The following CNGA1 variants were observed in gnomAD, a reference collection of about 807,000 sequenced individuals.
CNGA1 encodes cyclic nucleotide gated channel subunit alpha 1.
Under a neutral mutation model 69.7 loss-of-function variants are expected in CNGA1, and 53 were observed. The ratio of observed to expected loss-of-function variants is 0.76; its 90% confidence interval spans 0.61 to 0.96. CNGA1 has a LOEUF of 0.96. Ranked by LOEUF, CNGA1 falls within the 40% of genes least tolerant of loss-of-function variation. The pLI is 0.00. For synonymous variants in CNGA1, 249 were observed against 283.5 expected, an observed-to-expected ratio of 0.88 and a Z score of 1.22; for missense variants, 739 against 811.2, an observed-to-expected ratio of 0.91 and a Z score of 1.08.
intron 6 of CNGA1, 128 bp downstream of exon 6, chr4:47,949,705 T>G (rs1739627469): frequency 2.9e-6 from 2 of 681,322 alleles, no homozygotes; most frequent in East Asian, 2.7e-5. Context: ...GATAAGACTA[T>G]CATTGCCATT....
chr4:48,013,117 G>A (rs1055237227), intron 1 of CNGA1, among the ~76,000 whole-genome samples: 1 of 152,162 alleles, frequency 6.6e-6, no homozygotes, highest in Non-Finnish European at 1.5e-5. Context: ...GGAAATCAGG[G>A]ATTCTCTGGA....
chr4:47,937,089 C>T lies in CNGA1; in HGVS notation c.1393G>A (p.Val465Ile), dbSNP rs983435442. 4 of 1,614,158 alleles carry T rather than the reference C, an allele frequency of 2.5e-6. No individual in the cohort carries two copies. The highest frequency in any genetic ancestry group is 2.2e-5 in the East Asian group (1 of 44,880). Residue 465 changes from valine (V) to isoleucine (I), a missense_variant, in exon 11 of 11, where the codon GTT becomes ATT. Transcript: ENST00000514170. ...DKLRAEIAIN[V>I]HLDTLKKVRI... ...ACCTTTTTTAATGTGTCTAAGTGAACGTTGATGGCAATTTCTGCTCTTAGT... is the reference window on the plus strand; with the variant it reads ...ACCTTTTTTAATGTGTCTAAGTGAATGTTGATGGCAATTTCTGCTCTTAGT...
chr4:47,972,960 T>C (rs1436402706), intron 3 of CNGA1, among the ~76,000 whole-genome samples: 2 of 152,230 alleles, frequency 1.3e-5, no homozygotes, highest in African/African-American at 4.8e-5. Context: ...ACATATAGGT[T>C]GTATTACATC....
intron 3 of CNGA1, among the ~76,000 whole-genome samples, chr4:47,955,173 C>CTTTTTTT (rs377338639): frequency 1.5e-4 from 15 of 98,192 alleles, no homozygotes; most frequent in African/African-American, 2.1e-4. Context: ...TTTTTCTTTT[C>CTTTTTTT]TTTTTTTTTT....
chr4:47,938,361 T>G (rs1002402698), intron 10 of CNGA1, among the ~76,000 whole-genome samples: 3 of 150,460 alleles, frequency 2.0e-5, no homozygotes, highest in Non-Finnish European at 4.4e-5. Flanking sequence ...CTCTTAAAAC[T>G]CTTGTAATTT....
intron 2 of CNGA1, among the ~76,000 whole-genome samples, chr4:48,000,130 A>G (rs13130475): frequency 3.9e-4 from 59 of 152,294 alleles, no homozygotes; most frequent in African/African-American, 1.4e-3. Context: ...AATAAAGCAA[A>G]AAGAGATAAA....
intron 2 of CNGA1, among the ~76,000 whole-genome samples, chr4:47,992,043 A>C (rs1244547048): frequency 6.6e-6 from 1 of 152,134 alleles, no homozygotes; most frequent in Admixed American, 6.6e-5. Flanking sequence ...TTTTTATGCC[A>C]GTATCATGCT....
At position 47,976,283 on chromosome 4, in the gene CNGA1, A is replaced by G. The variant is rs1458867813; in HGVS notation, c.-15+5110T>C. 4.3e-3 allele frequency among the ~76,000 whole-genome samples: 64 copies of G among 14,956 alleles called. 4 individuals carry two copies. Among genetic ancestry groups the G allele is most frequent in the African/African-American group, 9.5e-3 (55 of 5,814 alleles). The allele number at this position is 14,956 out of a possible 152,430, so 9.8% of individuals were successfully genotyped here. A position where few individuals can be genotyped will look rare whatever the true frequency, so the allele number is the denominator to read the frequency against. On this transcript the variant is annotated intron_variant, in intron 3 of 10. Transcript: ENST00000514170. ...TACATATATATATACATATATATGT[A>G]TATATATATATACACATACATATAT...
intron 6 of CNGA1, among the ~76,000 whole-genome samples, chr4:47,948,870 C>T (rs915720558): frequency 6.6e-6 from 1 of 152,186 alleles, no homozygotes; most frequent in Non-Finnish European, 1.5e-5. Flanking sequence ...TCTAGACCAG[C>T]AGATGTGCTG....
At chr4:48,009,114 C>T (rs1028795223) in intron 2 of CNGA1, among the ~76,000 whole-genome samples, 2 of 152,062 alleles carry the variant, frequency 1.3e-5, no homozygotes, top group Admixed American at 6.5e-5. Context: ...TGTATGCTGG[C>T]AATGCTTAAG....
chr4:47,975,716 A>G (rs1220057051), intron 3 of CNGA1, among the ~76,000 whole-genome samples: 1 of 152,124 alleles, frequency 6.6e-6, no homozygotes, highest in East Asian at 1.9e-4. Context: ...TTAGAACTAT[A>G]AAGTCATATA....
At chr4:47,958,857 G>A (rs998032454) in intron 3 of CNGA1, among the ~76,000 whole-genome samples, 1 of 152,068 alleles carries the variant, frequency 6.6e-6, no homozygotes, top group African/African-American at 2.4e-5. Context: ...AATCAATTCT[G>A]CACTAAGTTT....
chr4:47,955,358 T>C (rs917125552), intron 3 of CNGA1, among the ~76,000 whole-genome samples: 2 of 151,990 alleles, frequency 1.3e-5, no homozygotes, highest in African/African-American at 2.4e-5. Flanking sequence ...AATTTTTGTA[T>C]TTTTACTAGA....
chr4:47,998,295 G>T (rs1036249276), intron 2 of CNGA1, among the ~76,000 whole-genome samples: 3 of 152,222 alleles, frequency 2.0e-5, no homozygotes, highest in Non-Finnish European at 4.4e-5. Flanking sequence ...AATCTGCAGA[G>T]AGGTCTTTTC....
chr4:47,958,817 A>G (rs901345285), intron 3 of CNGA1, among the ~76,000 whole-genome samples: 3 of 152,188 alleles, frequency 2.0e-5, no homozygotes, highest in Non-Finnish European at 4.4e-5. Context: ...AATACCTGAT[A>G]TTTACTAAAG....
At chr4:47,974,818 C>T (rs2110204688) in intron 3 of CNGA1, among the ~76,000 whole-genome samples, 1 of 151,922 alleles carries the variant, frequency 6.6e-6, no homozygotes, top group Admixed American at 6.6e-5. Context: ...AAATAGCAAT[C>T]GCTTCTTCCA....
At chr4:47,950,032 C>A (rs886769642) in intron 5 of CNGA1, 137 bp from the exon 6 acceptor site, 2 of 729,480 alleles carry the variant, frequency 2.7e-6, no homozygotes, top group African/African-American at 1.8e-5. Flanking sequence ...ATAGATATTT[C>A]AAAAACATAT....
At chr4:47,975,413 T>A (rs187941254) in intron 3 of CNGA1, among the ~76,000 whole-genome samples, 1 of 152,202 alleles carries the variant, frequency 6.6e-6, no homozygotes, top group African/African-American at 2.4e-5. Context: ...ATTATCATCA[T>A]CTTCACAATT....
intron 3 of CNGA1, among the ~76,000 whole-genome samples, chr4:47,962,781 A>G (rs1441831633): frequency 6.6e-6 from 1 of 152,208 alleles, no homozygotes; most frequent in Non-Finnish European, 1.5e-5. Flanking sequence ...AAATTTTAAT[A>G]TTAAAGTTGT....
Sources: allele counts gnomAD v4.1 joint callset (sites outside exome capture counted in the v4.1 genomes callset), GRCh38; gene constraint gnomAD v4.1.1; transcripts MANE v1.5; gene names NCBI Gene and HGNC (gene_info 2026-07-23, HGNC 2026-07-21).